DLG2: variants seen among roughly 807,000 people sequenced by gnomAD.
DLG2 encodes the protein discs large MAGUK scaffold protein 2, also known as disks large homolog 2.
A neutral mutation model predicts 132.5 loss-of-function variants in DLG2; 45 were observed. That is an observed-to-expected ratio of 0.34 (90% CI 0.27 to 0.44). DLG2 has a LOEUF of 0.44. DLG2 is among the 20% of genes least tolerant of loss of function. The pLI is 1.00. For missense variants in DLG2, 1,045 were observed against 1,196.9 expected, an observed-to-expected ratio of 0.87 and a Z score of 1.87; for synonymous variants, 424 against 419.6, an observed-to-expected ratio of 1.01 and a Z score of -0.13.
intron 2 of DLG2, among the ~76,000 whole-genome samples, chr11:85,618,607 G>C (rs1187133386): frequency 1.3e-5 from 2 of 152,048 alleles, no homozygotes; most frequent in African/African-American, 2.4e-5. Flanking sequence ...ACTACGCAAG[G>C]GACTAGTGGG....
chr11:85,060,839 T>G (rs2064036935), intron 6 of DLG2, among the ~76,000 whole-genome samples: 1 of 151,770 alleles, frequency 6.6e-6, no homozygotes, highest in South Asian at 2.1e-4. Flanking sequence ...TTCTCAACAC[T>G]TGTTATCTTC....
chr11:83,804,579 G>GACACACACACACACACAC (rs61221099), intron 17 of DLG2, among the ~76,000 whole-genome samples: 15,123 of 141,916 alleles, frequency 0.11, 1,051 homozygotes, highest in Middle Eastern at 0.19. Flanking sequence ...CCTAGCAGAA[G>GACACACACACACACACAC]ACACACACAC....
At chr11:84,305,018 T>C (rs75492629) in intron 7 of DLG2, among the ~76,000 whole-genome samples, 18 of 152,308 alleles carry the variant, frequency 1.2e-4, no homozygotes, top group African/African-American at 4.3e-4. Context: ...TTTTAAAATG[T>C]AGTGCCTTTA....
chr11:84,440,822 A>G (rs894286854), intron 7 of DLG2, among the ~76,000 whole-genome samples: 1 of 152,112 alleles, frequency 6.6e-6, no homozygotes, highest in South Asian at 2.1e-4. Flanking sequence ...AGGTAAATAC[A>G]ATGTTTAAAT....
intron 17 of DLG2, among the ~76,000 whole-genome samples, chr11:83,805,421 T>G (rs1447523768): frequency 1.3e-5 from 2 of 151,970 alleles, no homozygotes; most frequent in African/African-American, 4.8e-5. Context: ...ACATAATTTT[T>G]TATATATCAT....
chr11:83,637,306 T>C, intron 18 of DLG2, among the ~76,000 whole-genome samples: 1 of 152,200 alleles, frequency 6.6e-6, no homozygotes, highest in East Asian at 1.9e-4. Flanking sequence ...AACACTGTCT[T>C]GATTCCAAGC....
intron 11 of DLG2, among the ~76,000 whole-genome samples, chr11:83,990,877 ATTAAAGGAAACAC>A (rs2093669361): frequency 7.8e-6 from 1 of 128,030 alleles, no homozygotes; most frequent in Non-Finnish European, 1.7e-5. Flanking sequence ...ACATGGTTTT[ATTAAAGGAAACAC>A]AGAATCTATC....
intron 6 of DLG2, among the ~76,000 whole-genome samples, chr11:84,703,202 T>C (rs1024984232): frequency 6.6e-6 from 1 of 151,656 alleles, no homozygotes; most frequent in African/African-American, 2.4e-5. Flanking sequence ...TTAGATTAAT[T>C]GAGTCATCCT....
chr11:83,638,385 T>C (rs1040291836), intron 18 of DLG2, among the ~76,000 whole-genome samples: 1 of 152,192 alleles, frequency 6.6e-6, no homozygotes, highest in Non-Finnish European at 1.5e-5. Flanking sequence ...AACCTTTCTG[T>C]GCTTAATTTT....
intron 18 of DLG2, among the ~76,000 whole-genome samples, chr11:83,725,763 G>A (rs1310115070): frequency 6.6e-6 from 1 of 152,154 alleles, no homozygotes; most frequent in African/African-American, 2.4e-5. Flanking sequence ...GTTTTGATGT[G>A]TGCTATATAT....
At chr11:83,992,017 G>T (rs916156168) in intron 11 of DLG2, among the ~76,000 whole-genome samples, 1 of 152,132 alleles carries the variant, frequency 6.6e-6, no homozygotes, top group Non-Finnish European at 1.5e-5. Flanking sequence ...GTGACACAGC[G>T]ATTAGAATGA....
At chr11:84,737,968 T>G (rs192216455) in intron 6 of DLG2, among the ~76,000 whole-genome samples, 62 of 152,174 alleles carry the variant, frequency 4.1e-4, no homozygotes, top group Non-Finnish European at 6.3e-4. Flanking sequence ...TTATTCCGTT[T>G]GGGGATTTTA....
chr11:83,517,568 C>T (rs988983163), intron 21 of DLG2, among the ~76,000 whole-genome samples: 1 of 152,200 alleles, frequency 6.6e-6, no homozygotes, highest in Non-Finnish European at 1.5e-5. Flanking sequence ...TGGTGAGGAG[C>T]TGCGTTCCTT....
intron 6 of DLG2, among the ~76,000 whole-genome samples, chr11:84,988,464 A>G (rs2056740962): frequency 6.6e-6 from 1 of 152,252 alleles, no homozygotes; most frequent in African/African-American, 2.4e-5. Flanking sequence ...GAACCAATGT[A>G]TATGCCCATA....
rs569216630 is a variant in DLG2 at position 84,466,865 on chromosome 11, A to C, written c.519+67705T>G. On this transcript the variant is annotated intron_variant, in intron 7 of 27. Coordinates refer to ENST00000376104, the MANE Select transcript of DLG2 (RefSeq NM_001142699.3). ...TTTGTTAGGATAAAGTGAATAAGTA[A>C]AAATACTAAGAAAACAAAAATTTTA... Among the ~76,000 whole-genome samples, 553 of 151,550 alleles carry C rather than the reference A, an allele frequency of 3.6e-3. 3 individuals carry two copies. Among genetic ancestry groups the C allele is most frequent in the Non-Finnish European group, 6.1e-3 (414 of 67,568 alleles).
chr11:83,958,527 T>C (rs1240042830), intron 14 of DLG2, among the ~76,000 whole-genome samples: 1 of 152,154 alleles, frequency 6.6e-6, no homozygotes, highest in Admixed American at 6.5e-5. Flanking sequence ...GGTCCCTGGG[T>C]TTCATAATGC....
intron 6 of DLG2, among the ~76,000 whole-genome samples, chr11:84,819,633 G>T (rs148486403): frequency 6.6e-6 from 1 of 151,882 alleles, no homozygotes; most frequent in East Asian, 2.0e-4. Flanking sequence ...ATAAAATGAA[G>T]CATCAACTAA....
At chr11:84,024,139 A>G (rs1265409718) in intron 11 of DLG2, among the ~76,000 whole-genome samples, 1 of 152,128 alleles carries the variant, frequency 6.6e-6, no homozygotes, top group African/African-American at 2.4e-5. Context: ...TTTAAGGGTC[A>G]ACAATACATG....
At chr11:84,191,442 A>G (rs2154291123) in intron 8 of DLG2, among the ~76,000 whole-genome samples, 1 of 152,322 alleles carries the variant, frequency 6.6e-6, no homozygotes, top group South Asian at 2.1e-4. Context: ...TTTGTGGACA[A>G]GATGACTTTT....
Sources: gnomAD v4.1 joint callset for allele counts (sites outside exome capture counted in the v4.1 genomes callset) on GRCh38, gnomAD v4.1.1 for gene constraint, MANE v1.5 for transcripts, NCBI Gene and HGNC (gene_info 2026-07-23, HGNC 2026-07-21) for gene names.